The following ERBB4 variants were observed in gnomAD, a reference collection of about 807,000 sequenced individuals.
ERBB4 encodes receptor tyrosine-protein kinase erbB-4.
A neutral mutation model predicts 158.0 loss-of-function variants in ERBB4; 42 were observed. That is an observed-to-expected ratio of 0.27 (90% CI 0.21 to 0.34). The LOEUF is 0.34. ERBB4 is among the 10% of genes least tolerant of loss of function. The pLI is 1.00. For missense variants in ERBB4, 1,333 were observed against 1,624.1 expected (o/e 0.82, Z 3.08); for synonymous variants, 583 against 558.7 (o/e 1.04, Z -0.61).
intron 2 of ERBB4, among the ~76,000 whole-genome samples, chr2:211,968,931 A>C (rs1415978035): frequency 2.0e-5 from 3 of 152,012 alleles, no homozygotes; most frequent in Non-Finnish European, 4.4e-5. Flanking sequence ...GACCTATTCA[A>C]ATTGAACCCA....
chr2:211,854,420 C>T lies in ERBB4; in HGVS notation c.422-66261G>A, dbSNP rs1289531775. Among the ~76,000 whole-genome samples the T allele has an allele frequency of 2.6e-5, 4 of 152,178 alleles. No homozygotes were observed. In the South Asian group the frequency reaches 6.2e-4, roughly 24 times the overall value. On this transcript the variant is annotated intron_variant, in intron 3 of 27. Transcript: ENST00000342788. ...AAAAAGGGCAAAACACTCGTGTAGT[C>T]ACCACCCTGTTCAAGATATAAAACA...
chr2:212,041,529 G>A (rs2077141081), intron 2 of ERBB4, among the ~76,000 whole-genome samples: 1 of 151,124 alleles, frequency 6.6e-6, no homozygotes, highest in South Asian at 2.1e-4. Flanking sequence ...TTAATGACCT[G>A]AGGAATATAA....
At chr2:211,685,340 T>G (rs1456617866) in intron 12 of ERBB4, among the ~76,000 whole-genome samples, 1 of 152,214 alleles carries the variant, frequency 6.6e-6, no homozygotes, top group Non-Finnish European at 1.5e-5. Context: ...TTCGTTTATT[T>G]GCTCTATAGA....
At chr2:212,136,784 T>C (rs767508817) in intron 1 of ERBB4, among the ~76,000 whole-genome samples, 44 of 152,200 alleles carry the variant, frequency 2.9e-4, no homozygotes, top group Non-Finnish European at 5.7e-4. Flanking sequence ...AGTCTGTGAA[T>C]GTTAGACTTG....
chr2:211,683,703 T>G (rs1033738718), intron 12 of ERBB4, among the ~76,000 whole-genome samples: 2 of 151,706 alleles, frequency 1.3e-5, no homozygotes, highest in South Asian at 2.1e-4. Flanking sequence ...TTCTCGGGAG[T>G]TAATTGCTGG....
intron 3 of ERBB4, among the ~76,000 whole-genome samples, chr2:211,794,677 T>C (rs2076345483): frequency 1.3e-5 from 2 of 151,916 alleles, no homozygotes; most frequent in South Asian, 2.1e-4. Flanking sequence ...TGTCCTAATA[T>C]TAAGAAAGTA....
intron 20 of ERBB4, among the ~76,000 whole-genome samples, chr2:211,532,686 C>T (rs994033651): frequency 2.0e-5 from 3 of 151,678 alleles, no homozygotes; most frequent in African/African-American, 7.2e-5. Flanking sequence ...AACAAGACGT[C>T]CGGAAATGAC....
Position 211,377,363 on chromosome 2 carries a change from A to T in ERBB4, c.*6252T>A. On this transcript the variant is annotated 3_prime_UTR_variant, in exon 28 of 28. Transcript: ENST00000342788. Reference sequence around the variant, plus strand: ...TTGGACAAGTTAGACTATTGCCTACAGGTATGAATCTTTGTTTTCCTATAT... The same window carrying T: ...TTGGACAAGTTAGACTATTGCCTACTGGTATGAATCTTTGTTTTCCTATAT... 4.4e-6 allele frequency: 1 copy of T among 229,638 alleles called. No individual in the cohort carries two copies. Among genetic ancestry groups the T allele is most frequent in the East Asian group, 6.2e-5 (1 of 16,034 alleles). 14.2% of individuals were successfully genotyped at this position (229,638 alleles called of 1,614,324 possible).
At chr2:211,701,846 T>C in intron 12 of ERBB4, 121 bp downstream of exon 12, 6 of 719,946 alleles carry the variant, frequency 8.3e-6, no homozygotes, top group Middle Eastern at 3.2e-4. Context: ...ACCTTCCTTT[T>C]TAAGGGTTGG....
chr2:211,474,353 A>T (rs548347526), intron 20 of ERBB4, among the ~76,000 whole-genome samples: 1 of 152,208 alleles, frequency 6.6e-6, no homozygotes, highest in East Asian at 1.9e-4. Flanking sequence ...AGAAGACAAC[A>T]CTGAAGTTTT....
intron 1 of ERBB4, among the ~76,000 whole-genome samples, chr2:212,135,462 A>C (rs1295234103): frequency 7.0e-6 from 1 of 143,792 alleles, no homozygotes. Flanking sequence ...CATATCAAAT[A>C]ACAACTAACT....
At chr2:211,998,529 CAAAAA>C (rs36008694) in intron 2 of ERBB4, among the ~76,000 whole-genome samples, 1 of 116,308 alleles carries the variant, frequency 8.6e-6, no homozygotes, top group Non-Finnish European at 1.8e-5. Flanking sequence ...CTCATACTGC[CAAAAA>C]AAAAAAAAAA....
chr2:211,681,677 C>T (rs995575641), intron 12 of ERBB4, among the ~76,000 whole-genome samples: 3 of 152,014 alleles, frequency 2.0e-5, no homozygotes, highest in Admixed American at 6.6e-5. Context: ...CAAGTGCCAC[C>T]AAATCTTTTG....
chr2:212,440,339 T>C (rs1384235090), intron 1 of ERBB4, among the ~76,000 whole-genome samples: 1 of 152,174 alleles, frequency 6.6e-6, no homozygotes, highest in Non-Finnish European at 1.5e-5. Flanking sequence ...TGGCCTAGCA[T>C]CCCAGGCTAC....
intron 2 of ERBB4, among the ~76,000 whole-genome samples, chr2:212,012,571 T>C (rs1340314717): frequency 1.3e-5 from 2 of 151,894 alleles, no homozygotes; most frequent in Admixed American, 6.6e-5. Flanking sequence ...CTTGCCGCCA[T>C]GTCCAGCCAA....
intron 2 of ERBB4, among the ~76,000 whole-genome samples, chr2:212,123,271 C>T (rs2079814741): frequency 6.6e-6 from 1 of 152,180 alleles, no homozygotes; most frequent in South Asian, 2.1e-4. Context: ...GGCGTGGCGG[C>T]ATGCGCCTGT....
intron 3 of ERBB4, among the ~76,000 whole-genome samples, chr2:211,831,553 T>C (rs879204632): frequency 1.3e-5 from 2 of 152,188 alleles, no homozygotes; most frequent in Non-Finnish European, 2.9e-5. Flanking sequence ...AGAAAAATCA[T>C]TGGAATGTTA....
intron 5 of ERBB4, among the ~76,000 whole-genome samples, chr2:211,736,582 G>C (rs1483009962): frequency 6.6e-6 from 1 of 152,124 alleles, no homozygotes; most frequent in Non-Finnish European, 1.5e-5. Flanking sequence ...GCCTTCTAAT[G>C]AATTCAGGAA....
chr2:211,392,857 A>G (rs184039998), intron 25 of ERBB4, among the ~76,000 whole-genome samples: 301 of 152,006 alleles, frequency 2.0e-3, no homozygotes, highest in Admixed American at 3.7e-3. Flanking sequence ...GGGTTTCACT[A>G]TCTTGGCCAG....
Sources: allele counts gnomAD v4.1 joint callset (sites outside exome capture counted in the v4.1 genomes callset), GRCh38; gene constraint gnomAD v4.1.1; transcripts MANE v1.5; gene names NCBI Gene and HGNC (gene_info 2026-07-23, HGNC 2026-07-21).